Variants in SIDT1 observed in about 807,000 individuals in gnomAD.
SIDT1 encodes SID1 transmembrane family member 1, also known as SID1 transmembrane family, member 1.
Under a neutral mutation model 107.5 loss-of-function variants are expected in SIDT1, and 101 were observed. That is an observed-to-expected ratio of 0.94 (90% CI 0.80 to 1.11). The LOEUF (loss-of-function observed/expected upper bound fraction) is 1.11, where lower values mean the gene tolerates loss of function less well. Ranked by LOEUF, SIDT1 falls within the 50% of genes least tolerant of loss-of-function variation. The pLI, the probability that SIDT1 is intolerant of heterozygous loss-of-function variation, is 0.00. For missense variants in SIDT1, 1,076 were observed against 1,058.2 expected, an observed-to-expected ratio of 1.02 and a Z score of -0.23; for synonymous variants, 395 against 398.2, an observed-to-expected ratio of 0.99 and a Z score of 0.10.
chr3:113,544,845 G>A (rs530109258), intron 1 of SIDT1, among the ~76,000 whole-genome samples: 7 of 152,084 alleles, frequency 4.6e-5, no homozygotes, highest in Non-Finnish European at 8.8e-5. Context: ...CAGGTGCGGC[G>A]GCTCAAGCCT....
At chr3:113,602,811 A>T in intron 11 of SIDT1, 194 bp from the exon 12 acceptor site, 1 of 493,588 alleles carries the variant, frequency 2.0e-6, no homozygotes, top group Non-Finnish European at 3.5e-6. Context: ...GTTAAATATA[A>T]AAACAGGAGA....
At chr3:113,575,053 T>C (rs1942792635) in intron 3 of SIDT1, among the ~76,000 whole-genome samples, 1 of 152,176 alleles carries the variant, frequency 6.6e-6, no homozygotes, top group African/African-American at 2.4e-5. Context: ...TAAATGGTAG[T>C]CTTAAACACA....
At chr3:113,560,774 A>T (rs1941358164) in intron 1 of SIDT1, among the ~76,000 whole-genome samples, 1 of 152,206 alleles carries the variant, frequency 6.6e-6, no homozygotes, top group Admixed American at 6.5e-5. Flanking sequence ...AAAATAAACT[A>T]GATTTTTGAA....
At chr3:113,538,549 T>A (rs975296315) in intron 1 of SIDT1, among the ~76,000 whole-genome samples, 2 of 152,256 alleles carry the variant, frequency 1.3e-5, no homozygotes, top group African/African-American at 4.8e-5. Flanking sequence ...GTATGTTGTG[T>A]TTAAGTGATA....
intron 1 of SIDT1, among the ~76,000 whole-genome samples, chr3:113,558,506 G>A (rs1320930446): frequency 6.6e-6 from 1 of 152,146 alleles, no homozygotes; most frequent in African/African-American, 2.4e-5. Flanking sequence ...ATAGCAAACA[G>A]CCTCAGAAAG....
chr3:113,544,651 AT>A (rs973654076), intron 1 of SIDT1, among the ~76,000 whole-genome samples: 8 of 152,164 alleles, frequency 5.3e-5, no homozygotes, highest in African/African-American at 1.9e-4. Flanking sequence ...CAGGCTATAC[AT>A]TTTTGACATA....
chr3:113,536,889 G>T (rs1274986162), intron 1 of SIDT1, among the ~76,000 whole-genome samples: 2 of 152,182 alleles, frequency 1.3e-5, no homozygotes, highest in African/African-American at 4.8e-5. Context: ...AGAGGAGGAG[G>T]GCTATACTGT....
At chr3:113,592,924 C>G in intron 9 of SIDT1, 81 bp from the exon 10 acceptor site, 1 of 1,150,962 alleles carries the variant, frequency 8.7e-7, no homozygotes, top group Non-Finnish European at 1.3e-6. Flanking sequence ...TAGACAAATC[C>G]GCAACAAAAT....
At chr3:113,613,910 C>T (rs1945924890) in intron 19 of SIDT1, among the ~76,000 whole-genome samples, 1 of 152,012 alleles carries the variant, frequency 6.6e-6, no homozygotes, top group African/African-American at 2.4e-5. Context: ...TGTTAGGGTC[C>T]CAACAGGAAA....
At chr3:113,608,593 C>T in intron 17 of SIDT1, 57 bp downstream of exon 17, 2 of 1,303,484 alleles carry the variant, frequency 1.5e-6, no homozygotes, top group East Asian at 4.6e-5. Flanking sequence ...ATCCTGGAAC[C>T]CTCCCCAAAA....
intron 21 of SIDT1, among the ~76,000 whole-genome samples, chr3:113,622,561 AC>A (rs1167607907): frequency 2.0e-5 from 3 of 152,128 alleles, no homozygotes; most frequent in Admixed American, 2.0e-4. Context: ...GAAATTTGGA[AC>A]AAAATTAAAG....
At chr3:113,636,250 T>C in the SIDT1 span, among the ~76,000 whole-genome samples, 2 of 151,698 alleles carry the variant, frequency 1.3e-5, no homozygotes, top group African/African-American at 2.4e-5. Flanking sequence ...ACTAAAAATA[T>C]ATAATTAGCT....
intron 11 of SIDT1, chr3:113,601,983 G>T (rs1313058208): frequency 1.8e-5 from 4 of 218,878 alleles, no homozygotes; most frequent in Admixed American, 1.7e-4. Flanking sequence ...GTCCCAGGGA[G>T]CCTGACATCA....
chr3:113,580,790 T>C, intron 5 of SIDT1, 81 bp downstream of exon 5: 1 of 897,084 alleles, frequency 1.1e-6, no homozygotes. Flanking sequence ...GGTGGAAGCA[T>C]GCCATCCTCT....
chr3:113,596,501 G>A (rs1560096091), intron 10 of SIDT1, among the ~76,000 whole-genome samples: 1 of 152,192 alleles, frequency 6.6e-6, no homozygotes, highest in African/African-American at 2.4e-5. Flanking sequence ...GGGTGAGATG[G>A]AAATACTGTT....
intron 5 of SIDT1, 110 bp downstream of exon 5, chr3:113,580,819 C>A: frequency 2.8e-6 from 2 of 724,094 alleles, no homozygotes; most frequent in Non-Finnish European, 4.9e-6. Context: ...ATCTCCCTTC[C>A]AAAACTACTA....
intron 1 of SIDT1, among the ~76,000 whole-genome samples, chr3:113,534,053 T>C (rs537316747): frequency 2.0e-5 from 3 of 152,048 alleles, no homozygotes; most frequent in African/African-American, 7.2e-5. Flanking sequence ...TCTGGAGCAC[T>C]GGGCGGGGAG....
At chr3:113,539,128 C>A (rs1938521027) in intron 1 of SIDT1, among the ~76,000 whole-genome samples, 1 of 152,138 alleles carries the variant, frequency 6.6e-6, no homozygotes, top group Non-Finnish European at 1.5e-5. Context: ...TGCTTTATTT[C>A]TTTACCTTTA....
intron 13 of SIDT1, among the ~76,000 whole-genome samples, 168 bp from the exon 14 acceptor site, chr3:113,604,742 G>A (rs970735187): frequency 6.6e-6 from 1 of 152,188 alleles, no homozygotes; most frequent in African/African-American, 2.4e-5. Context: ...CCCAATGCAA[G>A]AGAGGGGAGA....
Sources: allele counts gnomAD v4.1 joint callset (sites outside exome capture counted in the v4.1 genomes callset), GRCh38; gene constraint gnomAD v4.1.1; transcripts MANE v1.5; gene names NCBI Gene and HGNC (gene_info 2026-07-23, HGNC 2026-07-21).